Variants in ZNF701 observed in about 807,000 individuals in gnomAD.
ZNF701 encodes zinc finger protein 701.
Under a neutral mutation model 7.1 loss-of-function variants are expected in ZNF701, and 6 were observed. The observed-to-expected ratio is 0.84, with a 90% CI of 0.46 to 1.66. The LOEUF (loss-of-function observed/expected upper bound fraction) is 1.66. Ranked by LOEUF, ZNF701 falls within the 40% of genes most tolerant of loss-of-function variation. ZNF701 has a pLI of 0.01. For missense variants in ZNF701, 541 were observed against 559.2 expected, an observed-to-expected ratio of 0.97 and a Z score of 0.33; for synonymous variants, 166 against 188.2, an observed-to-expected ratio of 0.88 and a Z score of 0.97.
Position 52,582,748 on chromosome 19 carries a change from T to C in ZNF701, c.689T>C (p.Leu230Ser). 3 of 1,614,076 alleles carry C rather than the reference T, an allele frequency of 1.9e-6. No homozygotes were observed. Among genetic ancestry groups the C allele is most frequent in the Non-Finnish European group, 2.5e-6 (3 of 1,180,012 alleles). Residue 230 changes from leucine to serine, a missense_variant, in exon 4 of 4, where the codon TTA becomes TCA. Leu to Ser is a moderately radical substitution (Grantham distance 145). Transcript: ENST00000391785. ...SGKAFNGSSLLKKHQIIHLGD... is the reference protein window; with the variant it reads ...SGKAFNGSSLSKKHQIIHLGD... ...AAAGCCTTTAATGGTAGCTCACTCT[T>C]AAAAAAACATCAGATAATCCATTTA...
chr19:52,587,576 AC>A (rs1017517660), downstream of ZNF701, among the ~76,000 whole-genome samples: 4 of 151,484 alleles, frequency 2.6e-5, no homozygotes, highest in Non-Finnish European at 5.9e-5. Context: ...CGCCACCTTC[AC>A]CCCCACCTCT....
intron 1 of ZNF701, among the ~76,000 whole-genome samples, chr19:52,573,717 A>C (rs1277255328): frequency 1.3e-5 from 2 of 152,082 alleles, no homozygotes; most frequent in Admixed American, 6.6e-5. Flanking sequence ...GGGTTTCACC[A>C]TGTTGCCCAG....
the ZNF701 span, chr19:52,597,153 C>G: frequency 4.6e-6 from 3 of 653,348 alleles, no homozygotes; most frequent in Admixed American, 3.8e-5. Flanking sequence ...TCAGCGAACT[C>G]ATACTGGAGA....
At chr19:52,572,950 A>G in intron 1 of ZNF701, 1 of 282,906 alleles carries the variant, frequency 3.5e-6, no homozygotes, top group Non-Finnish European at 6.9e-6. Flanking sequence ...TTTCTCCTTC[A>G]GGTCCTGGCT....
intron 1 of ZNF701, chr19:52,572,942 T>C: frequency 3.5e-6 from 1 of 289,416 alleles, no homozygotes; most frequent in Admixed American, 4.7e-5. Context: ...ACTGTCCCTT[T>C]CTCCTTCAGG....
the ZNF701 span, chr19:52,597,658 G>T: frequency 3.0e-5 from 10 of 335,866 alleles, no homozygotes; most frequent in Admixed American, 8.3e-5. Context: ...GTAGGTGGCC[G>T]TTGGGGTGGG....
Position 52,582,488 on chromosome 19 carries a change from C to T in ZNF701, c.429C>T (p.Ser143=), listed in dbSNP as rs1425022058. ...CTATTAAAAATGAGCTTGGATCAAG[C>T]TTTCATTCGCATCTGCCTGAAGTGC... ...NKPIKNELGS[S]FHSHLPEVHI... The change falls in exon 4 of 4, where the codon AGC becomes AGT. Residue 143 remains serine (S), a synonymous_variant. Coordinates refer to ENST00000391785, the MANE Select transcript of ZNF701 (RefSeq NM_018260.3). The T allele has an allele frequency of 6.2e-7, 1 of 1,614,186 alleles. No homozygotes were observed. Among genetic ancestry groups the T allele is most frequent in the Non-Finnish European group, 8.5e-7 (1 of 1,180,042 alleles).
chr19:52,582,367 A>C lies in ZNF701; in HGVS notation c.308A>C (p.Glu103Ala). 6.2e-7 allele frequency: 1 copy of C among 1,613,866 alleles called. No homozygotes were observed. Among genetic ancestry groups the C allele is most frequent in the Non-Finnish European group, 8.5e-7 (1 of 1,179,900 alleles). ...DIHDFVFQWQ[E>A]NETNGHEALM... ...CATGACTTTGTGTTTCAGTGGCAAG[A>C]AAATGAAACAAATGGCCATGAAGCA... The change falls in exon 4 of 4, where the codon GAA (glutamate) becomes GCA (alanine). Residue 103 changes from glutamate (E) to alanine (A), a missense_variant. Physicochemically the swap from Glu to Ala is moderately radical, Grantham distance 107. Coordinates refer to ENST00000391785, the MANE Select transcript of ZNF701 (RefSeq NM_018260.3).
chr19:52,589,978 C>T (rs1473574516), downstream of ZNF701, among the ~76,000 whole-genome samples: 1 of 152,062 alleles, frequency 6.6e-6, no homozygotes, highest in Non-Finnish European at 1.5e-5. Flanking sequence ...ATTTTTCATA[C>T]AGACAGGGTT....
chr19:52,582,191 A>G lies in ZNF701; in HGVS notation c.143-11A>G, dbSNP rs376641362. Reference sequence around the variant, plus strand: ...CTTAATTTGAAACCTATTTGTGTTTATATTTTGTAGATACCTCTTCCAAAT... The same window carrying G: ...CTTAATTTGAAACCTATTTGTGTTTGTATTTTGTAGATACCTCTTCCAAAT... On this transcript the variant is annotated splice_polypyrimidine_tract_variant and intron_variant, in intron 3 of 3. Transcript: ENST00000391785. 5.1e-6 allele frequency: 8 copies of G among 1,555,796 alleles called. No homozygotes were observed. The highest frequency in any genetic ancestry group is 6.1e-6 in the Non-Finnish European group (7 of 1,153,226).
Position 52,585,770 on chromosome 19 carries a change from G to A in ZNF701, c.*2313G>A, listed in dbSNP as rs900897705. On this transcript the variant is annotated 3_prime_UTR_variant, in exon 4 of 4. Coordinates refer to ENST00000391785, the MANE Select transcript of ZNF701 (RefSeq NM_018260.3). ...GGCCCTTGGCCAAGGAAATAACTGAGGTAAATTGGCCTGAGGCCAGAGCAG... is the reference window on the plus strand; with the variant it reads ...GGCCCTTGGCCAAGGAAATAACTGAAGTAAATTGGCCTGAGGCCAGAGCAG... 1 of 152,232 alleles carries A rather than the reference G, an allele frequency of 6.6e-6. No individual in the cohort carries two copies. The highest frequency in any genetic ancestry group is 2.4e-5 in the African/African-American group (1 of 41,476). The allele number at this position is 152,232 out of a possible 1,614,324, so 9.4% of individuals were successfully genotyped here. A position where few individuals can be genotyped will look rare whatever the true frequency, so the allele number is the denominator to read the frequency against.
downstream of ZNF701, among the ~76,000 whole-genome samples, chr19:52,587,343 C>T (rs1230914133): frequency 1.3e-5 from 2 of 152,024 alleles, no homozygotes; most frequent in Non-Finnish European, 2.9e-5. Context: ...TGCCTGTGTC[C>T]TCCTCACTCC....
chr19:52,574,137 A>G lies in ZNF701; in HGVS notation c.-11A>G, dbSNP rs1368245204. The G allele has an allele frequency of 6.2e-7, 1 of 1,612,278 alleles. No homozygotes were observed. Among genetic ancestry groups the G allele is most frequent in the South Asian group, 1.1e-5 (1 of 91,052 alleles). On this transcript the variant is annotated 5_prime_UTR_variant, in exon 2 of 4. Transcript: ENST00000391785. ...ACACGGAAGAGGAAGAGGAAAGCAA[A>G]GGAGTCAGGGATGGCTCTTCTTCAG...
At chr19:52,580,559 T>C (rs373160250) in intron 3 of ZNF701, among the ~76,000 whole-genome samples, 5 of 152,280 alleles carry the variant, frequency 3.3e-5, no homozygotes, top group East Asian at 3.9e-4. Flanking sequence ...GTGCTGTGTA[T>C]AGTTTTGACC....
chr19:52,581,976 A>G (rs1246498845), intron 3 of ZNF701, among the ~76,000 whole-genome samples: 1 of 152,226 alleles, frequency 6.6e-6, no homozygotes, highest in East Asian at 1.9e-4. Context: ...GTGCCCTGTC[A>G]GTGTTTCGTC....
At chr19:52,574,020 T>TTACA (rs2059916793) in intron 1 of ZNF701, 57 bp from the exon 2 acceptor site, 4 of 1,555,462 alleles carry the variant, frequency 2.6e-6, no homozygotes, top group Non-Finnish European at 3.5e-6. Flanking sequence ...TGTCATTGTG[T>TTACA]TACAGGCAGG....
chr19:52,578,314 TTC>T (rs1378784935), intron 3 of ZNF701, among the ~76,000 whole-genome samples: 2 of 150,232 alleles, frequency 1.3e-5, no homozygotes, highest in Non-Finnish European at 3.0e-5. Flanking sequence ...GTATGCTGCC[TTC>T]TCTCTCTGCT....
the ZNF701 span, chr19:52,597,366 T>C: frequency 1.9e-6 from 1 of 538,874 alleles, no homozygotes; most frequent in South Asian, 1.4e-5. Context: ...TGGCAAGGTC[T>C]TCAGTCTGTG....
the ZNF701 span, chr19:52,598,908 TCAAA>T: frequency 1.3e-5 from 2 of 152,086 alleles, no homozygotes; most frequent in Non-Finnish European, 2.9e-5. Flanking sequence ...AGACCCTGTC[TCAAA>T]CAAGCAAATA....
Sources: allele counts gnomAD v4.1 joint callset (sites outside exome capture counted in the v4.1 genomes callset), GRCh38; gene constraint gnomAD v4.1.1; transcripts MANE v1.5; gene names NCBI Gene and HGNC (gene_info 2026-07-23, HGNC 2026-07-21).